The following ZNF142 variants were observed in gnomAD, a reference collection of about 807,000 sequenced individuals.
ZNF142 encodes zinc finger protein 142 (clone pHZ-49).
ZNF142 carries 96 observed loss-of-function variants against 132.1 expected under a neutral mutation model. That is an observed-to-expected ratio of 0.73 (90% CI 0.62 to 0.86). The LOEUF is 0.86. Among genes scored for constraint, ZNF142 ranks in the 40% least tolerant of loss-of-function variants. The pLI is 0.00. For synonymous variants in ZNF142, 842 were observed against 890.1 expected (o/e 0.95, Z 0.96); for missense variants, 2,163 against 2,336.2 (o/e 0.93, Z 1.53).
At position 218,634,238 on chromosome 2, in the gene ZNF142, G is replaced by C; in HGVS notation, c.*4101C>G. On this transcript the variant is annotated 3_prime_UTR_variant, in exon 11 of 11. Transcript: ENST00000411696. The surrounding 1 kb of genome is among the most constrained non-coding windows in gnomAD (Gnocchi z 4.0). ...GCCAGATGGGTGAGGAGGCAGCAGG[G>C]ACTGGGAAGAGGGAGTGGAGGAGCA... The C allele has an allele frequency of 1.2e-6, 2 of 1,601,252 alleles. No homozygotes were observed. Among genetic ancestry groups the C allele is most frequent in the Non-Finnish European group, 1.7e-6 (2 of 1,173,670 alleles).
rs1294861831 is a variant in ZNF142 at position 218,634,298 on chromosome 2, G to A, written c.*4041C>T. 6.4e-7 allele frequency: 1 copy of A among 1,571,608 alleles called. No homozygotes were observed. Among genetic ancestry groups the A allele is most frequent in the Non-Finnish European group, 8.6e-7 (1 of 1,158,664 alleles). On this transcript the variant is annotated 3_prime_UTR_variant, in exon 11 of 11. Transcript: ENST00000411696. This position sits in a 1 kb window ranked among gnomAD's most constrained non-coding sequence, Gnocchi z 4.0. ...AAATAAGTTCTCTAGTGATGGTAGG[G>A]TTGGGGAATGCTCAAGAAAATTGCT... is the stretch of plus-strand genomic sequence containing the variant.
chr2:218,633,511 G>A lies in ZNF142; in HGVS notation c.*4828C>T, dbSNP rs1244948322. On this transcript the variant is annotated 3_prime_UTR_variant, in exon 11 of 11. Coordinates refer to ENST00000411696, the MANE Select transcript of ZNF142 (RefSeq NM_001379659.1). ...GGCAGGAGGGAGAATACAGTGGGGA[G>A]GCAGTGGGCAGAGGTTTAGGTTGGA... The A allele has an allele frequency of 7.1e-7, 1 of 1,398,880 alleles. No individual in the cohort carries two copies. The highest frequency in any genetic ancestry group is 1.0e-6 in the Non-Finnish European group (1 of 990,126). The allele number at this position is 1,398,880 out of a possible 1,614,324, so 86.7% of individuals were successfully genotyped here. A position where few individuals can be genotyped will look rare whatever the true frequency, so the allele number is the denominator to read the frequency against.
rs761421435 is a variant in ZNF142, at chr2:218,633,503, A to C, written c.*4836T>G. On this transcript the variant is annotated 3_prime_UTR_variant, in exon 11 of 11. Transcript: ENST00000411696. Reference sequence around the variant, plus strand: ...GCAGGTGAGGCAGGAGGGAGAATACAGTGGGGAGGCAGTGGGCAGAGGTTT... The same window carrying C: ...GCAGGTGAGGCAGGAGGGAGAATACCGTGGGGAGGCAGTGGGCAGAGGTTT... 9.6e-6 allele frequency: 13 copies of C among 1,349,288 alleles called. No individual in the cohort carries two copies. Among genetic ancestry groups the C allele is most frequent in the East Asian group, 2.3e-5 (1 of 43,368 alleles). The allele number at this position is 1,349,288 out of a possible 1,614,324, so 83.6% of individuals were successfully genotyped here.
At position 218,643,473 on chromosome 2, in the gene ZNF142, C is replaced by A; in HGVS notation, c.3643G>T (p.Ala1215Ser). Reference sequence around the variant, plus strand: ...TGCTCAAAGCGGTGCTTCTTCAGGGCCTCTGTGGGTGAGGAGTTTCCTGCA... The same window carrying A: ...TGCTCAAAGCGGTGCTTCTTCAGGGACTCTGTGGGTGAGGAGTTTCCTGCA... ...PPAGNSSPTE[A>S]LKKHRFEQGK... Residue 1215 changes from alanine (A) to serine (S), a missense_variant, in exon 9 of 11, where the codon GCC becomes TCC. Ala to Ser is a moderately conservative substitution (Grantham distance 99, BLOSUM62 1). This residue lies in a region of ZNF142 where 809 missense variants were observed against 801.7 expected (regional missense o/e 1.01). Coordinates refer to ENST00000411696, the MANE Select transcript of ZNF142 (RefSeq NM_001379659.1). 1 of 1,614,164 alleles carries A rather than the reference C, an allele frequency of 6.2e-7. No individual in the cohort carries two copies. The highest frequency in any genetic ancestry group is 8.5e-7 in the Non-Finnish European group (1 of 1,180,020).
chr2:218,648,711 C>A lies in ZNF142; in HGVS notation c.1797G>T (p.Lys599Asn), dbSNP rs1277930378. The A allele has an allele frequency of 4.3e-6, 7 of 1,614,230 alleles. No homozygotes were observed. The highest frequency in any genetic ancestry group is 5.9e-6 in the Non-Finnish European group (7 of 1,180,048). The change falls in exon 7 of 11, where the codon AAG becomes AAT. Residue 599 changes from lysine (K) to asparagine (N), a missense_variant. By Grantham distance (94) the Lys-to-Asn change is moderately conservative (BLOSUM62 0). Coordinates refer to ENST00000411696, the MANE Select transcript of ZNF142 (RefSeq NM_001379659.1). ...AGTTGCACTCAGGACACTGGTGGAT[C>A]TTTTCATGAGCATGCATCTTGCCTA... ...DHVGKMHAHE[K>N]IHQCPECNFA...
In ZNF142 at chr2:218,635,321, A is replaced by C. The variant is rs1326798308; in HGVS notation, c.*3018T>G. Among the ~76,000 whole-genome samples, 2 of 151,630 alleles carry C rather than the reference A, an allele frequency of 1.3e-5. No homozygotes were observed. The highest frequency in any genetic ancestry group is 2.9e-5 in the Non-Finnish European group (2 of 67,940). ...AGCATGCCTACTTTCAAACTGTTGA[A>C]TTTCTACCTGGATCCATTTAATTTA... is the stretch of plus-strand genomic sequence containing the variant. On this transcript the variant is annotated 3_prime_UTR_variant, in exon 11 of 11. Coordinates refer to ENST00000411696, the MANE Select transcript of ZNF142 (RefSeq NM_001379659.1).
rs1014279613 is a variant in ZNF142 at position 218,643,482 on chromosome 2, G to A, written c.3634C>T (p.Pro1212Ser). The change falls in exon 9 of 11, where the codon CCC becomes TCC. Residue 1212 changes from proline (P) to serine (S), a missense_variant. Pro to Ser is a moderately conservative substitution (Grantham distance 74, BLOSUM62 -1). This residue lies in a region of ZNF142 where 809 missense variants were observed against 801.7 expected (regional missense o/e 1.01). Coordinates refer to ENST00000411696, the MANE Select transcript of ZNF142 (RefSeq NM_001379659.1). Reference sequence around the variant, plus strand: ...CGGTGCTTCTTCAGGGCCTCTGTGGGTGAGGAGTTTCCTGCAGGAGGGACT... The same window carrying A: ...CGGTGCTTCTTCAGGGCCTCTGTGGATGAGGAGTTTCCTGCAGGAGGGACT... ...DPVPPAGNSS[P>S]TEALKKHRFE... 29 of 1,614,026 alleles carry A rather than the reference G, an allele frequency of 1.8e-5. No individual in the cohort carries two copies. The East Asian group carries it at 6.2e-4, about 35-fold the overall frequency.
intron 5 of ZNF142, among the ~76,000 whole-genome samples, chr2:218,651,391 C>A (rs140159960): frequency 8.2e-4 from 125 of 152,344 alleles, no homozygotes; most frequent in African/African-American, 2.6e-3. Flanking sequence ...CAATGATGGT[C>A]ATTTTCACTT....
intron 3 of ZNF142, among the ~76,000 whole-genome samples, chr2:218,656,904 G>A (rs1462988250): frequency 1.3e-5 from 2 of 148,312 alleles, no homozygotes; most frequent in Non-Finnish European, 3.0e-5. Context: ...TGCAACCTCC[G>A]CCTCCTGGGT....
chr2:218,643,979 C>G lies in ZNF142; in HGVS notation c.3137G>C (p.Arg1046Pro), dbSNP rs1338147412. 3 of 1,614,012 alleles carry G rather than the reference C, an allele frequency of 1.9e-6. No individual in the cohort carries two copies. The highest frequency in any genetic ancestry group is 2.2e-5 in the South Asian group (2 of 91,084). Reference sequence around the variant, plus strand: ...GTGCAGATTCAGGGCCTTCTCCCGGCGAGTGATAAAAGGGCAGTGTGGGCA... The same window carrying G: ...GTGCAGATTCAGGGCCTTCTCCCGGGGAGTGATAAAAGGGCAGTGTGGGCA... Reference protein sequence around the residue: ...FRCPHCPFITRREKALNLHSR... With the variant: ...FRCPHCPFITPREKALNLHSR... Residue 1046 changes from arginine to proline, a missense_variant, in exon 9 of 11, where the codon CGC (arginine) becomes CCC (proline). Arg to Pro is a moderately radical substitution (Grantham distance 103, BLOSUM62 -2). Coordinates refer to ENST00000411696, the MANE Select transcript of ZNF142 (RefSeq NM_001379659.1).
chr2:218,643,411 A>G lies in ZNF142; in HGVS notation c.3705T>C (p.Cys1235=). 2 of 1,614,234 alleles carry G rather than the reference A, an allele frequency of 1.2e-6. No homozygotes were observed. Among genetic ancestry groups the G allele is most frequent in the Non-Finnish European group, 1.7e-6 (2 of 1,180,038 alleles). ...KFHCNSCPFL[C]SRLSSITSHV... Reference sequence around the variant, plus strand: ...GAGAGGTAATAGAGGAGAGCCGGGAACAAAGGAATGGGCAGGAGTTGCAGT... The same window carrying G: ...GAGAGGTAATAGAGGAGAGCCGGGAGCAAAGGAATGGGCAGGAGTTGCAGT... Residue 1235 remains cysteine (C), a synonymous_variant, in exon 9 of 11, where the codon TGT becomes TGC. Coordinates refer to ENST00000411696, the MANE Select transcript of ZNF142 (RefSeq NM_001379659.1).
rs963375470 is a variant in ZNF142 at position 218,633,941 on chromosome 2, G to A, written c.*4398C>T. 7.4e-6 allele frequency: 9 copies of A among 1,208,948 alleles called. No individual in the cohort carries two copies. Among genetic ancestry groups the A allele is most frequent in the Non-Finnish European group, 1.0e-5 (9 of 863,708 alleles). The allele number at this position is 1,208,948 out of a possible 1,614,324, so 74.9% of individuals were successfully genotyped here. A position where few individuals can be genotyped will look rare whatever the true frequency, so the allele number is the denominator to read the frequency against. On this transcript the variant is annotated 3_prime_UTR_variant, in exon 11 of 11. Transcript: ENST00000411696. ...TGAATAGTGGCTCAAGGGTCTAGGG[G>A]CAGGAAAGCTGGTCTGGATGGACAG... is the stretch of plus-strand genomic sequence containing the variant.
At position 218,656,261 on chromosome 2, in the gene ZNF142, C is replaced by T. The variant is rs1369043862; in HGVS notation, c.169G>A (p.Gly57Ser). The change falls in exon 4 of 11, where the codon GGC becomes AGC. Residue 57 changes from glycine to serine, a missense_variant. Transcript: ENST00000411696. ...GCTGTGGCCTCTACCAGCAGGCAGCCTGGCTCAGTAGGTATAGGTGCAGGG... is the reference window on the plus strand; with the variant it reads ...GCTGTGGCCTCTACCAGCAGGCAGCTTGGCTCAGTAGGTATAGGTGCAGGG... ...RDPAPIPTEPGCLLVEATATE... is the reference protein window; with the variant it reads ...RDPAPIPTEPSCLLVEATATE... 3 of 1,613,612 alleles carry T rather than the reference C, an allele frequency of 1.9e-6. No homozygotes were observed. The highest frequency in any genetic ancestry group is 2.5e-6 in the Non-Finnish European group (3 of 1,179,756).
chr2:218,643,268 C>G lies in ZNF142; in HGVS notation c.3848G>C (p.Ser1283Thr). ...CCCATCACCAGAGCTGGACTCTGTA[C>G]TCCCATTCTTCGGGGGAGCAGAGTC... The part of the protein sequence containing the change: ...NGDSAPPKNG[S>T]TESSSGDGDT... The change falls in exon 9 of 11, where the codon AGT (serine) becomes ACT (threonine). Residue 1283 changes from serine to threonine, a missense_variant. Ser to Thr is a moderately conservative substitution (Grantham distance 58). This residue lies in a region of ZNF142 where 809 missense variants were observed against 801.7 expected (regional missense o/e 1.01). Transcript: ENST00000411696. 6.2e-7 allele frequency: 1 copy of G among 1,614,254 alleles called. No homozygotes were observed. Among genetic ancestry groups the G allele is most frequent in the Non-Finnish European group, 8.5e-7 (1 of 1,180,052 alleles).
At chr2:218,647,809 T>C (rs1320918317) in intron 7 of ZNF142, among the ~76,000 whole-genome samples, 3 of 152,230 alleles carry the variant, frequency 2.0e-5, no homozygotes, top group African/African-American at 7.2e-5. Context: ...TGTGGTATTC[T>C]GGTTCTAACA....
In ZNF142 at chr2:218,647,430, A is replaced by AAAAAAAAAAAAAAAAAAAAC. The variant is rs1697838530; in HGVS notation, c.1874-1083_1874-1082insGTTTTTTTTTTTTTTTTTTT. On this transcript the variant is annotated intron_variant, in intron 7 of 10. Transcript: ENST00000411696. ...AGAGCCAGACTCCATCTCAAAAAAA[A>AAAAAAAAAAAAAAAAAAAAC]AAAAAGCCTCCTCCCCTCAAATTTT... Among the ~76,000 whole-genome samples, 2 of 148,082 alleles carry AAAAAAAAAAAAAAAAAAAAC rather than the reference A, an allele frequency of 1.4e-5. 1 individual carries two copies. Among genetic ancestry groups the AAAAAAAAAAAAAAAAAAAAC allele is most frequent in the Non-Finnish European group, 3.0e-5 (2 of 66,868 alleles).
intron 10 of ZNF142, among the ~76,000 whole-genome samples, chr2:218,640,008 G>C (rs909873097): frequency 1.6e-5 from 2 of 127,296 alleles, no homozygotes; most frequent in Non-Finnish European, 3.2e-5. Context: ...CTTGCAGTGA[G>C]CTTAGATTGC....
Position 218,643,823 on chromosome 2 carries a change from C to A in ZNF142, c.3293G>T (p.Gly1098Val). 3.1e-6 allele frequency: 5 copies of A among 1,613,344 alleles called. No individual in the cohort carries two copies. Among genetic ancestry groups the A allele is most frequent in the Non-Finnish European group, 4.2e-6 (5 of 1,179,604 alleles). ...GATGGGTGAATCTGGTCTGGGCAAG[C>A]CCTTGTTCTTTCTGAGTAGAACAGG... ...KCPVLLRKNK[G>V]LPRPDSPIPL... Residue 1098 changes from glycine (G) to valine (V), a missense_variant, in exon 9 of 11, where the codon GGC becomes GTC. Around this residue, in one of 7 missense-constraint regions of ZNF142, gnomAD observed 809 missense variants for 801.7 expected, o/e 1.01. Transcript: ENST00000411696.
Position 218,634,655 on chromosome 2 carries a change from A to G in ZNF142, c.*3684T>C, listed in dbSNP as rs541157061. On this transcript the variant is annotated 3_prime_UTR_variant, in exon 11 of 11. Coordinates refer to ENST00000411696, the MANE Select transcript of ZNF142 (RefSeq NM_001379659.1). This position sits in a 1 kb window ranked among gnomAD's most constrained non-coding sequence, Gnocchi z 4.0. ...GGTACAGTGGAAATAAACTGTTGGG[A>G]AGAAACTGAGATAACTGGGATAGAA... 2 of 1,608,874 alleles carry G rather than the reference A, an allele frequency of 1.2e-6. No homozygotes were observed. The highest frequency in any genetic ancestry group is 4.5e-5 in the East Asian group (2 of 44,844).
Sources: allele counts gnomAD v4.1 joint callset (sites outside exome capture counted in the v4.1 genomes callset), GRCh38; gene constraint gnomAD v4.1.1; regional missense constraint gnomAD v4.1.1; non-coding constraint Gnocchi (gnomAD v3.1); transcripts MANE v1.5; gene names NCBI Gene and HGNC (gene_info 2026-07-23, HGNC 2026-07-21).